Variants in CYYR1 observed in about 807,000 individuals in gnomAD.
The protein encoded by CYYR1 is cysteine and tyrosine rich 1, also known as cysteine and tyrosine-rich protein 1.
In CYYR1, 14 loss-of-function variants were observed where a neutral mutation model predicts 15.2. The observed-to-expected ratio is 0.92, with a 90% confidence interval of 0.61 to 1.44. CYYR1 has a LOEUF of 1.44. Ranked by LOEUF, CYYR1 falls within the 40% of genes most tolerant of loss-of-function variation. CYYR1 has a pLI of 0.00. For missense variants in CYYR1, 228 were observed against 209.5 expected (o/e 1.09, Z -0.54); for synonymous variants, 80 against 77.4 (o/e 1.03, Z -0.18).
chr21:26,528,890 A>T (rs2065897068), intron 2 of CYYR1, among the ~76,000 whole-genome samples: 2 of 152,194 alleles, frequency 1.3e-5, no homozygotes, highest in Non-Finnish European at 2.9e-5. Context: ...ATTCAAAAAG[A>T]TCTCTTATAA....
chr21:26,557,672 C>T (rs1465848176), intron 2 of CYYR1, among the ~76,000 whole-genome samples: 1 of 152,098 alleles, frequency 6.6e-6, no homozygotes, highest in Non-Finnish European at 1.5e-5. Flanking sequence ...TACCTCTCTT[C>T]AGAAAATCTC....
intron 2 of CYYR1, among the ~76,000 whole-genome samples, chr21:26,541,083 T>A (rs993500297): frequency 1.3e-5 from 2 of 152,106 alleles, no homozygotes; most frequent in Non-Finnish European, 2.9e-5. Flanking sequence ...ATCAAAACTA[T>A]ATAATCTAGA....
intron 3 of CYYR1, among the ~76,000 whole-genome samples, chr21:26,474,408 CTTTT>C (rs35912064): frequency 3.2e-5 from 4 of 125,546 alleles, no homozygotes; most frequent in African/African-American, 9.2e-5. Flanking sequence ...TACACCGTGC[CTTTT>C]TTTTTTTTTT....
chr21:26,531,280 C>T (rs1293989959), intron 2 of CYYR1, among the ~76,000 whole-genome samples: 1 of 152,082 alleles, frequency 6.6e-6, no homozygotes, highest in African/African-American at 2.4e-5. Flanking sequence ...TTGTGTTATT[C>T]CTTGACAACC....
chr21:26,545,925 A>G (rs1978943427), intron 2 of CYYR1, among the ~76,000 whole-genome samples: 1 of 152,206 alleles, frequency 6.6e-6, no homozygotes, highest in African/African-American at 2.4e-5. Context: ...GATTAAACAG[A>G]TAATTAAGCA....
At chr21:26,553,625 T>C (rs1481332512) in intron 2 of CYYR1, among the ~76,000 whole-genome samples, 1 of 152,146 alleles carries the variant, frequency 6.6e-6, no homozygotes, top group Non-Finnish European at 1.5e-5. Context: ...ATTTCAAATT[T>C]TGTCTGGTTC....
intron 2 of CYYR1, among the ~76,000 whole-genome samples, chr21:26,542,300 T>C (rs997903513): frequency 1.5e-4 from 22 of 151,178 alleles, no homozygotes; most frequent in African/African-American, 3.2e-4. Flanking sequence ...CGTGTGTGTG[T>C]GTGTGTGTGT....
At chr21:26,547,640 C>T (rs1182108293) in intron 2 of CYYR1, among the ~76,000 whole-genome samples, 1 of 152,076 alleles carries the variant, frequency 6.6e-6, no homozygotes, top group Non-Finnish European at 1.5e-5. Flanking sequence ...TTTTATATGC[C>T]ATCTATTAAT....
At chr21:26,571,334 G>C (rs1204606127) in intron 1 of CYYR1, among the ~76,000 whole-genome samples, 1 of 152,266 alleles carries the variant, frequency 6.6e-6, no homozygotes, top group Non-Finnish European at 1.5e-5. Flanking sequence ...TGTAGCTTAT[G>C]ATAGAGGGAT....
chr21:26,471,289 C>T (rs1222680222), intron 3 of CYYR1: 1 of 152,206 alleles, frequency 6.6e-6, no homozygotes, highest in Non-Finnish European at 1.5e-5. Context: ...TTCCCTGCCT[C>T]CCACTTGAGG....
chr21:26,483,536 A>G, intron 2 of CYYR1: 1 of 542,464 alleles, frequency 1.8e-6, no homozygotes, highest in Non-Finnish European at 2.3e-6. Flanking sequence ...CCTTGGGGCT[A>G]TTCATTTTTC....
chr21:26,549,258 T>C (rs1979207356), intron 2 of CYYR1, among the ~76,000 whole-genome samples: 3 of 152,136 alleles, frequency 2.0e-5, no homozygotes, highest in Non-Finnish European at 2.9e-5. Context: ...GGTTCTGCAG[T>C]TCTATGTGAG....
At position 26,468,549 on chromosome 21, in the gene CYYR1, T is replaced by C. The variant is rs1333592388; in HGVS notation, c.420A>G (p.Pro140=). The stretch of plus-strand genomic sequence containing the variant: ...AAGGAGGGGGTGGAGAACGCTGTGC[T>C]GGACCCTGTGGGGTGGGGGAGTATG... ...PPPYSPTPQG[P]AQRSPPPPYP... Residue 140 remains proline (P), a synonymous_variant, in exon 4 of 4, where the codon CCA becomes CCG. Coordinates refer to ENST00000652641, the MANE Select transcript of CYYR1 (RefSeq NM_001320768.2). 1 of 1,613,070 alleles carries C rather than the reference T, an allele frequency of 6.2e-7. No individual in the cohort carries two copies. The highest frequency in any genetic ancestry group is 8.5e-7 in the Non-Finnish European group (1 of 1,179,394).
At chr21:26,561,753 A>G (rs1397466415) in intron 2 of CYYR1, among the ~76,000 whole-genome samples, 1 of 152,200 alleles carries the variant, frequency 6.6e-6, no homozygotes, top group East Asian at 1.9e-4. Context: ...TAAATGCGAT[A>G]TATTGTCATC....
In CYYR1 at chr21:26,566,280, A is replaced by T. The variant is rs886835393; in HGVS notation, c.162T>A (p.Ile54=). 1 of 1,613,404 alleles carries T rather than the reference A, an allele frequency of 6.2e-7. No homozygotes were observed. The highest frequency in any genetic ancestry group is 1.3e-5 in the African/African-American group (1 of 75,046). ...CGAATACTCACGAGAGGATATTCCC[A>T]ATATAAGCGTAGTAGGAGCAACAGT... ...TPYCCSYYAY[I]GNILSGTAIA... is the part of the protein sequence containing the mutation. The change falls in exon 2 of 4, where the codon ATT becomes ATA. Residue 54 remains isoleucine (I), a synonymous_variant. Coordinates refer to ENST00000652641, the MANE Select transcript of CYYR1 (RefSeq NM_001320768.2).
intron 2 of CYYR1, among the ~76,000 whole-genome samples, chr21:26,542,237 C>CG (rs1162294962): frequency 9.1e-5 from 1 of 11,006 alleles, no homozygotes; most frequent in Non-Finnish European, 1.9e-4. Flanking sequence ...AGGTGGGGGA[C>CG]GGGGGCGGGG....
At position 26,502,417 on chromosome 21, in the gene CYYR1, G is replaced by A. The variant is rs561281198; in HGVS notation, c.177-21988C>T. 1.5e-4 allele frequency among the ~76,000 whole-genome samples: 23 copies of A among 151,718 alleles called. No homozygotes were observed. The South Asian group carries it at 4.4e-3, about 29-fold the overall frequency. Reference sequence around the variant, plus strand: ...ATGCACAGCAAATTTGACAGGAAGAGTAACTAATAATTACTTTGGTTAGTT... The same window carrying A: ...ATGCACAGCAAATTTGACAGGAAGAATAACTAATAATTACTTTGGTTAGTT... On this transcript the variant is annotated intron_variant, in intron 2 of 3. Coordinates refer to ENST00000652641, the MANE Select transcript of CYYR1 (RefSeq NM_001320768.2).
intron 2 of CYYR1, among the ~76,000 whole-genome samples, chr21:26,495,492 C>T (rs1277779325): frequency 6.6e-6 from 1 of 152,166 alleles, no homozygotes; most frequent in African/African-American, 2.4e-5. Context: ...CTGTCACCTC[C>T]AACTGCATTG....
intron 2 of CYYR1, chr21:26,483,414 A>C (rs1057496309): frequency 3.7e-5 from 3 of 80,658 alleles, no homozygotes; most frequent in African/African-American, 3.5e-4. Flanking sequence ...TCTCCTATCA[A>C]AAAAAAAAAA....
Sources: gnomAD v4.1 joint callset for allele counts (sites outside exome capture counted in the v4.1 genomes callset) on GRCh38, gnomAD v4.1.1 for gene constraint, MANE v1.5 for transcripts, NCBI Gene and HGNC (gene_info 2026-07-23, HGNC 2026-07-21) for gene names.